Variants in EYS observed in about 807,000 individuals in gnomAD.
The protein encoded by EYS is EGF-like photoreceptor maintenance factor.
EYS carries 250 observed loss-of-function variants against 282.1 expected under a neutral mutation model. That is an observed-to-expected ratio of 0.89 (90% confidence interval 0.80 to 0.98). EYS has a LOEUF of 0.98. Ranked by LOEUF, EYS falls within the 50% of genes least tolerant of loss-of-function variation. EYS has a pLI of 0.00. For synonymous variants in EYS, 1,355 were observed against 1,282.9 expected (o/e 1.06, Z -1.20); for missense variants, 4,016 against 3,709.0 (o/e 1.08, Z -2.15).
At chr6:65,180,380 G>A (rs1037759890) in intron 12 of EYS, among the ~76,000 whole-genome samples, 5 of 151,978 alleles carry the variant, frequency 3.3e-5, no homozygotes, top group African/African-American at 7.2e-5. Context: ...AAATCAATGT[G>A]CAAAAATCAC....
chr6:64,361,211 GT>G (rs140584034), intron 29 of EYS, among the ~76,000 whole-genome samples: 5 of 150,228 alleles, frequency 3.3e-5, no homozygotes, highest in South Asian at 2.1e-4. Flanking sequence ...AGAAAATATG[GT>G]TTTTTTTTGT....
chr6:65,125,722 G>C lies in EYS; in HGVS notation c.2024-67995C>G, dbSNP rs190553400. ...GAAAGTCTGTGTGCTTCCTACTTTG[G>C]CACAGGTCAGAAGCTCAAACCATGT... On this transcript the variant is annotated intron_variant, in intron 12 of 42. Coordinates refer to ENST00000503581, the MANE Select transcript of EYS (RefSeq NM_001142800.2). 9.5e-4 allele frequency among the ~76,000 whole-genome samples: 145 copies of C among 152,048 alleles called. 2 individuals are homozygous for C. Among genetic ancestry groups the C allele is most frequent in the African/African-American group, 3.2e-3 (133 of 41,492 alleles).
rs575820848 is a variant in EYS, at chr6:64,584,718, T to A, written c.5644+5505A>T. Among the ~76,000 whole-genome samples, 3 of 152,258 alleles carry A rather than the reference T, an allele frequency of 2.0e-5. No individual in the cohort carries two copies. In the East Asian group the frequency reaches 5.8e-4, roughly 29 times the overall value. ...TGTTTTACTGTTCTAGTGGTCAGCA[T>A]TTTGCCATCAATTTAAAAGAACACT... On this transcript the variant is annotated intron_variant, in intron 26 of 42. Coordinates refer to ENST00000503581, the MANE Select transcript of EYS (RefSeq NM_001142800.2).
At chr6:64,543,334 G>A (rs1764746088) in intron 26 of EYS, among the ~76,000 whole-genome samples, 2 of 151,948 alleles carry the variant, frequency 1.3e-5, no homozygotes, top group African/African-American at 2.4e-5. Context: ...TAAAATGGAG[G>A]TAAATTATCT....
At chr6:65,452,475 A>G (rs16896674) in intron 5 of EYS, among the ~76,000 whole-genome samples, 4,633 of 152,106 alleles carry the variant, frequency 0.03, 207 homozygotes, top group African/African-American at 0.098. Context: ...ATTAAATTAT[A>G]GCTTGCAATG....
At chr6:65,608,884 A>G (rs1765894542) in intron 2 of EYS, among the ~76,000 whole-genome samples, 1 of 152,174 alleles carries the variant, frequency 6.6e-6, no homozygotes, top group South Asian at 2.1e-4. Flanking sequence ...TTTGTCCCAC[A>G]GAAAGGTCTT....
At chr6:63,894,529 T>C (rs920332946) in intron 35 of EYS, among the ~76,000 whole-genome samples, 1 of 152,084 alleles carries the variant, frequency 6.6e-6, no homozygotes, top group African/African-American at 2.4e-5. Context: ...TGATTTTACA[T>C]TTCTGACTTC....
chr6:64,157,938 C>T (rs1774984126), intron 31 of EYS, among the ~76,000 whole-genome samples: 1 of 152,120 alleles, frequency 6.6e-6, no homozygotes, highest in Non-Finnish European at 1.5e-5. Flanking sequence ...TCCTCCAGAC[C>T]CCAGAATAGT....
At chr6:63,816,117 A>G (rs1205278876) in intron 36 of EYS, among the ~76,000 whole-genome samples, 2 of 152,196 alleles carry the variant, frequency 1.3e-5, no homozygotes, top group Admixed American at 1.3e-4. Flanking sequence ...TCATATTAAT[A>G]TGGTATAAGA....
At chr6:65,348,058 G>A (rs1451843176) in intron 9 of EYS, among the ~76,000 whole-genome samples, 29 of 150,424 alleles carry the variant, frequency 1.9e-4, no homozygotes, top group Admixed American at 1.9e-3. Context: ...GCAAATGACA[G>A]GATCTCATTT....
chr6:64,712,879 A>C (rs1495528), intron 22 of EYS, among the ~76,000 whole-genome samples: 146,364 of 152,252 alleles, frequency 0.96, 70,539 homozygotes, highest in Non-Finnish European at 1. Flanking sequence ...CCAAATTCTC[A>C]AAGGCAATGG....
chr6:64,025,735 A>C (rs1769471173), intron 33 of EYS, among the ~76,000 whole-genome samples: 1 of 152,174 alleles, frequency 6.6e-6, no homozygotes, highest in Non-Finnish European at 1.5e-5. Flanking sequence ...GGAGCCTCAG[A>C]AAGTGTATCC....
chr6:64,279,046 C>T (rs1331845305), intron 30 of EYS, among the ~76,000 whole-genome samples: 1 of 152,166 alleles, frequency 6.6e-6, no homozygotes, highest in East Asian at 1.9e-4. Context: ...ACTACAAAAA[C>T]ATGCTGCCAT....
intron 42 of EYS, among the ~76,000 whole-genome samples, chr6:63,723,755 A>G (rs958527099): frequency 1.5e-4 from 23 of 151,104 alleles, no homozygotes; most frequent in African/African-American, 4.6e-4. Flanking sequence ...TTAGGATATG[A>G]TGCTCTAGTT....
chr6:64,999,065 C>G (rs1583379076), intron 13 of EYS, among the ~76,000 whole-genome samples: 1 of 152,078 alleles, frequency 6.6e-6, no homozygotes, highest in Non-Finnish European at 1.5e-5. Context: ...ATAAAGCATG[C>G]TTTTATTGTC....
chr6:64,346,902 A>G (rs1771425549), intron 29 of EYS, among the ~76,000 whole-genome samples: 1 of 151,462 alleles, frequency 6.6e-6, no homozygotes, highest in South Asian at 2.1e-4. Flanking sequence ...ATGTATCACT[A>G]TAAGCTCTTG....
At chr6:64,907,761 C>A (rs2150074347) in intron 16 of EYS, among the ~76,000 whole-genome samples, 1 of 152,094 alleles carries the variant, frequency 6.6e-6, no homozygotes, top group East Asian at 1.9e-4. Flanking sequence ...CATGCATGCC[C>A]AGACATAGGT....
At chr6:65,498,832 T>C (rs1360193460) in intron 2 of EYS, among the ~76,000 whole-genome samples, 1 of 152,004 alleles carries the variant, frequency 6.6e-6, no homozygotes, top group Non-Finnish European at 1.5e-5. Flanking sequence ...CAGTTTTTCA[T>C]TTATAAAGAC....
intron 12 of EYS, among the ~76,000 whole-genome samples, chr6:65,211,765 A>C (rs937129073): frequency 5.9e-5 from 9 of 151,978 alleles, no homozygotes; most frequent in African/African-American, 1.9e-4. Flanking sequence ...ATAGCTATCC[A>C]AACTTAGGAT....
Sources: allele counts gnomAD v4.1 joint callset (sites outside exome capture counted in the v4.1 genomes callset), GRCh38; gene constraint gnomAD v4.1.1; transcripts MANE v1.5; gene names NCBI Gene and HGNC (gene_info 2026-07-23, HGNC 2026-07-21).